Variants in C16orf74 observed in about 807,000 individuals in gnomAD.
C16orf74 encodes uncharacterized protein C16orf74.
Under a neutral mutation model 6.5 loss-of-function variants are expected in C16orf74, and 10 were observed. The observed-to-expected ratio is 1.54, with a 90% CI of 0.95 to 2.61. The LOEUF is 2.61. Ranked by LOEUF, C16orf74 falls within the 30% of genes most tolerant of loss-of-function variation. C16orf74 has a pLI of 0.00. For missense variants in C16orf74, 141 were observed against 105.9 expected, an observed-to-expected ratio of 1.33 and a Z score of -1.45; for synonymous variants, 60 against 42.5, an observed-to-expected ratio of 1.41 and a Z score of -1.60.
At chr16:85,737,045 G>C (rs75084814) in intron 1 of C16orf74, among the ~76,000 whole-genome samples, 1 of 146,298 alleles carries the variant, frequency 6.8e-6, no homozygotes, top group Non-Finnish European at 1.5e-5. Context: ...TTCATCTCGA[G>C]AAAAAAAAAA....
chr16:85,734,942 G>C (rs144794390), intron 2 of C16orf74, among the ~76,000 whole-genome samples: 239 of 152,246 alleles, frequency 1.6e-3, no homozygotes, highest in African/African-American at 5.5e-3. Context: ...GCACCCTGAG[G>C]GGGAAACTGA....
intron 2 of C16orf74, among the ~76,000 whole-genome samples, chr16:85,726,347 C>T (rs1209129320): frequency 6.6e-6 from 1 of 152,192 alleles, no homozygotes; most frequent in Non-Finnish European, 1.5e-5. Flanking sequence ...TGTGGAGTTG[C>T]CCGGGACACA....
chr16:85,732,717 C>T (rs2054203295), intron 2 of C16orf74, among the ~76,000 whole-genome samples: 1 of 149,248 alleles, frequency 6.7e-6, no homozygotes, highest in East Asian at 2.0e-4. Context: ...TCCCCATTCC[C>T]CAAGTCACCC....
intron 1 of C16orf74, among the ~76,000 whole-genome samples, chr16:85,750,018 C>A (rs1254006285): frequency 2.0e-5 from 3 of 152,214 alleles, no homozygotes; most frequent in Non-Finnish European, 2.9e-5. Flanking sequence ...CAGCCCAGGA[C>A]AGGGGCCTCC....
intron 2 of C16orf74, among the ~76,000 whole-genome samples, chr16:85,731,438 A>C (rs2054186381): frequency 6.6e-6 from 1 of 152,214 alleles, no homozygotes; most frequent in Non-Finnish European, 1.5e-5. Context: ...GGCATGGTAC[A>C]GGAGGGTCAC....
intron 2 of C16orf74, among the ~76,000 whole-genome samples, chr16:85,712,793 C>T (rs1000344016): frequency 6.6e-6 from 1 of 152,212 alleles, no homozygotes; most frequent in Non-Finnish European, 1.5e-5. Flanking sequence ...GGTCTCTGTC[C>T]GCGGTTTCTG....
chr16:85,715,864 C>A (rs533035113), intron 2 of C16orf74, among the ~76,000 whole-genome samples: 1 of 152,268 alleles, frequency 6.6e-6, no homozygotes, highest in South Asian at 2.1e-4. Flanking sequence ...TGCAGGTGGG[C>A]AGGGCAGCTC....
At chr16:85,749,584 T>C (rs1475859211) in intron 1 of C16orf74, among the ~76,000 whole-genome samples, 6 of 152,266 alleles carry the variant, frequency 3.9e-5, no homozygotes, top group African/African-American at 1.4e-4. Flanking sequence ...TGCCTGGCCC[T>C]GTTTCCTCAT....
At chr16:85,744,685 T>C (rs764812705) in intron 1 of C16orf74, among the ~76,000 whole-genome samples, 26 of 151,514 alleles carry the variant, frequency 1.7e-4, no homozygotes, top group East Asian at 5.8e-4. Context: ...AAAAAATTAG[T>C]CAGGCATGGT....
chr16:85,721,233 C>A (rs1262792994), intron 2 of C16orf74, among the ~76,000 whole-genome samples: 3 of 151,990 alleles, frequency 2.0e-5, no homozygotes, highest in Admixed American at 6.5e-5. Context: ...AAAAAAGCCA[C>A]GTACTTGGCA....
intron 2 of C16orf74, among the ~76,000 whole-genome samples, chr16:85,714,077 G>C (rs956445122): frequency 5.9e-5 from 9 of 152,296 alleles, no homozygotes; most frequent in Non-Finnish European, 8.8e-5. Context: ...GGTCATGTGT[G>C]CCCCCGCCCC....
intron 1 of C16orf74, among the ~76,000 whole-genome samples, chr16:85,749,933 G>A (rs556824527): frequency 1.3e-5 from 2 of 152,322 alleles, no homozygotes; most frequent in African/African-American, 2.4e-5. Context: ...CACAGGACCG[G>A]GTCCCCAGCG....
intron 1 of C16orf74, among the ~76,000 whole-genome samples, chr16:85,744,744 G>C (rs569493337): frequency 2.8e-4 from 41 of 147,652 alleles, no homozygotes; most frequent in African/African-American, 9.1e-4. Flanking sequence ...GCAGGAGAAT[G>C]GTGTCAGCCC....
chr16:85,738,716 G>A (rs778026377), intron 1 of C16orf74, among the ~76,000 whole-genome samples: 4 of 151,876 alleles, frequency 2.6e-5, no homozygotes, highest in African/African-American at 7.3e-5. Context: ...GAGGGGTAGC[G>A]GAGGAGTGGG....
intron 2 of C16orf74, among the ~76,000 whole-genome samples, chr16:85,715,993 A>G (rs2054019441): frequency 6.9e-6 from 1 of 144,166 alleles, no homozygotes; most frequent in Admixed American, 6.7e-5. Flanking sequence ...GAGGCCCCCG[A>G]CAAAAGGAAT....
intron 2 of C16orf74, among the ~76,000 whole-genome samples, chr16:85,728,904 C>T (rs573668793): frequency 6.6e-6 from 1 of 152,346 alleles, no homozygotes; most frequent in East Asian, 1.9e-4. Context: ...GTTACACAGC[C>T]ACTGGAATCC....
At position 85,708,009 on chromosome 16, in the gene C16orf74, C is replaced by G. The variant is rs2053930126; in HGVS notation, c.230G>C (p.Ter77SerextTer37). 1 of 1,552,412 alleles carries G rather than the reference C, an allele frequency of 6.4e-7. No individual in the cohort carries two copies. The highest frequency in any genetic ancestry group is 1.4e-5 in the African/African-American group (1 of 73,094). The change falls in exon 4 of 4, where the codon TGA (stop) becomes TCA (serine). Residue 77 changes from the stop codon to serine (S), a stop_lost. Coordinates refer to ENST00000284245, the MANE Select transcript of C16orf74 (RefSeq NM_206967.3). Reference protein sequence around the residue: ...PDDGEIDPEA* With the variant: ...PDDGEIDPEAS ...GCCAGCCAAACCCAGGACACCTCCTCAGGCTTCTGGGTCGATTTCTCCATC... is the reference window on the plus strand; with the variant it reads ...GCCAGCCAAACCCAGGACACCTCCTGAGGCTTCTGGGTCGATTTCTCCATC...
intron 1 of C16orf74, among the ~76,000 whole-genome samples, chr16:85,737,381 G>A (rs1232141020): frequency 1.3e-5 from 2 of 152,146 alleles, no homozygotes; most frequent in East Asian, 1.9e-4. Flanking sequence ...TGCAGCCTCC[G>A]CACATCACCC....
At chr16:85,750,316 T>A (rs1231944885) in intron 1 of C16orf74, among the ~76,000 whole-genome samples, 1 of 151,914 alleles carries the variant, frequency 6.6e-6, no homozygotes, top group Non-Finnish European at 1.5e-5. Flanking sequence ...CCTCCGCCTA[T>A]CCCTGGGGGG....
Sources: gnomAD v4.1 joint callset for allele counts (sites outside exome capture counted in the v4.1 genomes callset) on GRCh38, gnomAD v4.1.1 for gene constraint, MANE v1.5 for transcripts, NCBI Gene and HGNC (gene_info 2026-07-23, HGNC 2026-07-21) for gene names.